Variants in MAML3 observed in about 807,000 individuals in gnomAD.
MAML3 encodes mastermind like transcriptional coactivator 3, also known as mastermind-like protein 3.
A neutral mutation model predicts 101.9 loss-of-function variants in MAML3; 27 were observed. The ratio of observed to expected loss-of-function variants is 0.27; its 90% CI spans 0.20 to 0.37. MAML3 has a LOEUF of 0.37. Ranked by LOEUF, MAML3 falls within the 10% of genes least tolerant of loss-of-function variation. The probability of loss-of-function intolerance (pLI) is 1.00; values close to 1 mark genes in which losing one functional copy is unlikely to be tolerated. For synonymous variants in MAML3, 501 were observed against 555.9 expected (o/e 0.90, Z 1.39); for missense variants, 1,316 against 1,444.9 (o/e 0.91, Z 1.45).
chr4:139,949,164 C>T (rs575274206), intron 1 of MAML3, among the ~76,000 whole-genome samples: 19 of 152,132 alleles, frequency 1.2e-4, no homozygotes, highest in South Asian at 6.2e-4. Flanking sequence ...TACAGGCACG[C>T]GGCACGACAC....
At chr4:139,802,779 T>C (rs986143397) in intron 2 of MAML3, among the ~76,000 whole-genome samples, 1 of 152,160 alleles carries the variant, frequency 6.6e-6, no homozygotes, top group African/African-American at 2.4e-5. Context: ...TCCTTCATTT[T>C]AAAAATGAAG....
intron 1 of MAML3, among the ~76,000 whole-genome samples, chr4:140,084,648 C>G (rs905703214): frequency 1.3e-5 from 2 of 152,152 alleles, no homozygotes; most frequent in African/African-American, 4.8e-5. Flanking sequence ...TGAAGCACGA[C>G]CTAACGCCAG....
At chr4:140,142,743 C>G (rs1230941779) in intron 1 of MAML3, among the ~76,000 whole-genome samples, 1 of 152,198 alleles carries the variant, frequency 6.6e-6, no homozygotes, top group Non-Finnish European at 1.5e-5. Flanking sequence ...TCAGACTAAA[C>G]ACCTCCAGGT....
At chr4:139,920,509 A>G (rs916098375) in intron 1 of MAML3, among the ~76,000 whole-genome samples, 1 of 152,254 alleles carries the variant, frequency 6.6e-6, no homozygotes, top group Admixed American at 6.5e-5. Context: ...ACAAAAAGGC[A>G]GAAAAAGAAT....
chr4:140,071,681 G>A (rs928405165), intron 1 of MAML3, among the ~76,000 whole-genome samples: 40 of 148,398 alleles, frequency 2.7e-4, no homozygotes, highest in African/African-American at 7.2e-4. Flanking sequence ...ACAGTGAAAC[G>A]TATCAGCGTA....
At chr4:140,063,794 T>TAA (rs35213696) in intron 1 of MAML3, among the ~76,000 whole-genome samples, 8,013 of 148,910 alleles carry the variant, frequency 0.054, 458 homozygotes, top group African/African-American at 0.15. Context: ...TTGCTTGCTT[T>TAA]AAAAAAAAAA....
chr4:139,873,194 C>T (rs1732048799), intron 2 of MAML3, among the ~76,000 whole-genome samples: 1 of 152,198 alleles, frequency 6.6e-6, no homozygotes, highest in Non-Finnish European at 1.5e-5. Flanking sequence ...TGCTTCTCTG[C>T]TATGTGGCAC....
chr4:139,837,415 A>G (rs544663760), intron 2 of MAML3, among the ~76,000 whole-genome samples: 38 of 148,914 alleles, frequency 2.6e-4, no homozygotes, highest in African/African-American at 8.4e-4. Context: ...GGAGAATGGC[A>G]TGAACCCGGG....
Position 140,083,959 on chromosome 4 carries a change from CACACACACAGAGAG to C in MAML3, c.468+68887_468+68900del, listed in dbSNP as rs1240819050. ...ACACACACACACACACACACACACA[CACACACACAGAGAG>C]AGAGAGAGAGAGAGAGAGAGAGAGA... On this transcript the variant is annotated intron_variant, in intron 1 of 4. Transcript: ENST00000509479. Among the ~76,000 whole-genome samples, 82 of 29,182 alleles carry C rather than the reference CACACACACAGAGAG, an allele frequency of 2.8e-3. 1 individual carries two copies. Among genetic ancestry groups the C allele is most frequent in the African/African-American group, 8.2e-3 (79 of 9,606 alleles). 19.1% of individuals were successfully genotyped at this position (29,182 alleles called of 152,430 possible).
intron 1 of MAML3, among the ~76,000 whole-genome samples, chr4:140,117,662 T>C (rs910989170): frequency 8.6e-5 from 13 of 151,442 alleles, no homozygotes; most frequent in South Asian, 2.1e-4. Context: ...TATATATATA[T>C]ACACATATAT....
At chr4:139,831,413 A>G (rs1731160264) in intron 2 of MAML3, among the ~76,000 whole-genome samples, 1 of 152,234 alleles carries the variant, frequency 6.6e-6, no homozygotes, top group Admixed American at 6.5e-5. Flanking sequence ...CCAAGTGCCA[A>G]ACTCAAACCC....
chr4:139,750,456 C>A (rs759752796), intron 2 of MAML3, among the ~76,000 whole-genome samples: 10 of 152,172 alleles, frequency 6.6e-5, no homozygotes, highest in Admixed American at 1.3e-4. Context: ...TAGAAATGGC[C>A]TTTGGTGCAG....
At chr4:139,946,889 C>CCACACACACACACACA (rs544250515) in intron 1 of MAML3, among the ~76,000 whole-genome samples, 4 of 126,838 alleles carry the variant, frequency 3.2e-5, no homozygotes, top group Non-Finnish European at 1.7e-5. Flanking sequence ...GCAGAGTAAG[C>CCACACACACACACACA]CACACACACA....
intron 1 of MAML3, among the ~76,000 whole-genome samples, chr4:140,129,949 G>C (rs961801203): frequency 1.4e-4 from 21 of 149,164 alleles, no homozygotes; most frequent in East Asian, 7.8e-4. Flanking sequence ...TGGGTGACCT[G>C]AGCGAAACTC....
At chr4:139,836,929 C>T (rs1009532998) in intron 2 of MAML3, among the ~76,000 whole-genome samples, 1 of 151,206 alleles carries the variant, frequency 6.6e-6, no homozygotes, top group Admixed American at 6.6e-5. Context: ...TTGAGACCAG[C>T]CTAACCAACA....
At chr4:139,736,800 GT>G (rs1355330101) in intron 2 of MAML3, among the ~76,000 whole-genome samples, 6 of 152,182 alleles carry the variant, frequency 3.9e-5, no homozygotes, top group Admixed American at 3.9e-4. Context: ...TGGTTACGAT[GT>G]CCCATAGAGA....
intron 1 of MAML3, among the ~76,000 whole-genome samples, chr4:139,941,365 G>A (rs1200706839): frequency 6.6e-6 from 1 of 152,142 alleles, no homozygotes; most frequent in Non-Finnish European, 1.5e-5. Context: ...ATCAATGTAA[G>A]TTTCTGAAAC....
chr4:139,784,231 G>A (rs1051143936), intron 2 of MAML3, among the ~76,000 whole-genome samples: 19 of 152,198 alleles, frequency 1.2e-4, no homozygotes, highest in Non-Finnish European at 4.4e-5. Context: ...GCCGACCTGG[G>A]AGCGTCCACA....
At chr4:139,990,045 A>G (rs1246238393) in intron 1 of MAML3, among the ~76,000 whole-genome samples, 2 of 152,192 alleles carry the variant, frequency 1.3e-5, no homozygotes, top group African/African-American at 4.8e-5. Context: ...GAAGAAATTA[A>G]TTGTTTTGTT....
Sources: gnomAD v4.1 joint callset for allele counts (sites outside exome capture counted in the v4.1 genomes callset) on GRCh38, gnomAD v4.1.1 for gene constraint, MANE v1.5 for transcripts, NCBI Gene and HGNC (gene_info 2026-07-23, HGNC 2026-07-21) for gene names.